Variants in PTPRD observed in about 807,000 individuals in gnomAD.
The protein encoded by PTPRD is protein tyrosine phosphatase receptor type D.
In PTPRD, 34 loss-of-function variants were observed where a neutral mutation model predicts 214.5. The observed-to-expected ratio is 0.16, with a 90% CI of 0.12 to 0.21. The LOEUF is 0.21. Ranked by LOEUF, PTPRD falls within the 10% of genes least tolerant of loss-of-function variation. The probability of loss-of-function intolerance (pLI) is 1.00; values close to 1 mark genes in which losing one functional copy is unlikely to be tolerated. For synonymous variants in PTPRD, 1,128 were observed against 845.7 expected, an observed-to-expected ratio of 1.33 and a Z score of -5.79; for missense variants, 2,545 against 2,398.7, an observed-to-expected ratio of 1.06 and a Z score of -1.27.
In PTPRD at chr9:10,379,023, A is replaced by C. The variant is rs2097775490; in HGVS notation, c.-599-38006T>G. On this transcript the variant is annotated intron_variant, in intron 2 of 45. Coordinates refer to ENST00000381196, the MANE Select transcript of PTPRD (RefSeq NM_002839.4). Reference sequence around the variant, plus strand: ...ATGTTTTATAGTTTTCATTATAGAGATCTTTCACTTCTTTGGTTAAGTTAA... The same window carrying C: ...ATGTTTTATAGTTTTCATTATAGAGCTCTTTCACTTCTTTGGTTAAGTTAA... 2.6e-5 allele frequency among the ~76,000 whole-genome samples: 4 copies of C among 151,920 alleles called. No individual in the cohort carries two copies. In the South Asian group the frequency reaches 8.3e-4, roughly 31 times the overall value.
intron 3 of PTPRD, among the ~76,000 whole-genome samples, chr9:10,263,617 A>G (rs939954258): frequency 6.6e-5 from 10 of 152,184 alleles, no homozygotes; most frequent in African/African-American, 2.4e-4. Context: ...TCTAGGCAAC[A>G]AAGTGTTCAA....
intron 3 of PTPRD, among the ~76,000 whole-genome samples, chr9:10,244,566 G>A (rs1165978518): frequency 7.0e-5 from 10 of 143,214 alleles, no homozygotes; most frequent in African/African-American, 1.2e-4. Flanking sequence ...TAAGCAGGAG[G>A]AAAAAAATTC....
At chr9:9,501,877 AAC>A (rs1402860757) in intron 8 of PTPRD, among the ~76,000 whole-genome samples, 1 of 152,008 alleles carries the variant, frequency 6.6e-6, no homozygotes, top group African/African-American at 2.4e-5. Flanking sequence ...TATTAAAAAT[AAC>A]ACAAAAACAA....
chr9:8,989,715 T>C (rs1387568462), intron 11 of PTPRD, among the ~76,000 whole-genome samples: 1 of 152,148 alleles, frequency 6.6e-6, no homozygotes, highest in African/African-American at 2.4e-5. Flanking sequence ...ATATAGAAAG[T>C]TCACTCTTTA....
chr9:10,280,852 C>A (rs2095064103), intron 3 of PTPRD, among the ~76,000 whole-genome samples: 2 of 151,924 alleles, frequency 1.3e-5, no homozygotes, highest in Non-Finnish European at 2.9e-5. Flanking sequence ...TGGGCTCAAG[C>A]TGTCCTCTCT....
intron 9 of PTPRD, among the ~76,000 whole-genome samples, chr9:9,243,948 G>C (rs140098602): frequency 0.026 from 3,940 of 152,192 alleles, 151 homozygotes; most frequent in African/African-American, 0.077. Flanking sequence ...AAAGTCTCAG[G>C]ATATAAAATC....
chr9:10,584,882 TC>T (rs2132576453), intron 2 of PTPRD, among the ~76,000 whole-genome samples: 1 of 152,258 alleles, frequency 6.6e-6, no homozygotes, highest in Admixed American at 6.5e-5. Flanking sequence ...TTTGATCCCA[TC>T]ACTAAAGCAA....
At chr9:9,275,099 T>TA in intron 9 of PTPRD, among the ~76,000 whole-genome samples, 1 of 62,682 alleles carries the variant, frequency 1.6e-5, no homozygotes, top group African/African-American at 6.4e-5. Context: ...ATGTTATATA[T>TA]ATAATATATT....
intron 2 of PTPRD, among the ~76,000 whole-genome samples, chr9:10,569,054 A>C (rs1367317191): frequency 1.3e-5 from 2 of 152,148 alleles, no homozygotes; most frequent in African/African-American, 4.8e-5. Context: ...AGAATCTACC[A>C]TGAACTCAAA....
intron 3 of PTPRD, among the ~76,000 whole-genome samples, chr9:10,117,512 G>T (rs2098739951): frequency 6.6e-6 from 1 of 152,068 alleles, no homozygotes. Flanking sequence ...GGGAGAATAC[G>T]TCCTTGCTTC....
At chr9:10,254,105 C>T (rs558324734) in intron 3 of PTPRD, among the ~76,000 whole-genome samples, 5 of 152,204 alleles carry the variant, frequency 3.3e-5, no homozygotes, top group South Asian at 2.1e-4. Context: ...TCATACTGTC[C>T]GCAGAGAACA....
At chr9:9,824,409 T>C (rs1442582543) in intron 5 of PTPRD, among the ~76,000 whole-genome samples, 1 of 152,046 alleles carries the variant, frequency 6.6e-6, no homozygotes, top group Non-Finnish European at 1.5e-5. Flanking sequence ...AACTAAATAA[T>C]TTTTGTCATA....
Position 10,231,989 on chromosome 9 carries a change from A to AGT in PTPRD, c.-545+108972_-545+108973dup, listed in dbSNP as rs61314978. ...GAGAGAGAGAGAGAGAGAGAGAGAG[A>AGT]GTGTGTGTGTGTGTGTGTGTGTGTG... On this transcript the variant is annotated intron_variant, in intron 3 of 45. Coordinates refer to ENST00000381196, the MANE Select transcript of PTPRD (RefSeq NM_002839.4). Among the ~76,000 whole-genome samples, 337 of 92,470 alleles carry AGT rather than the reference A, an allele frequency of 3.6e-3. 2 individuals carry two copies. Among genetic ancestry groups the AGT allele is most frequent in the East Asian group, 0.022 (67 of 2,994 alleles). 60.7% of individuals were successfully genotyped at this position (92,470 alleles called of 152,430 possible). A position where few individuals can be genotyped will look rare whatever the true frequency, so the allele number is the denominator to read the frequency against.
At chr9:10,316,736 T>C (rs2096444078) in intron 3 of PTPRD, among the ~76,000 whole-genome samples, 1 of 151,930 alleles carries the variant, frequency 6.6e-6, no homozygotes, top group African/African-American at 2.4e-5. Flanking sequence ...TATCAGATAT[T>C]AGTAAGAGAT....
At chr9:10,459,758 T>C (rs2098944973) in intron 2 of PTPRD, among the ~76,000 whole-genome samples, 1 of 152,126 alleles carries the variant, frequency 6.6e-6, no homozygotes, top group Non-Finnish European at 1.5e-5. Flanking sequence ...GATTGTTTTT[T>C]CTTGTAAATT....
At chr9:10,270,115 T>C (rs1198704235) in intron 3 of PTPRD, among the ~76,000 whole-genome samples, 1 of 152,104 alleles carries the variant, frequency 6.6e-6, no homozygotes, top group Non-Finnish European at 1.5e-5. Flanking sequence ...CATGTGTAAG[T>C]TTTAAACAGT....
chr9:9,223,586 A>T (rs756023917), intron 9 of PTPRD, among the ~76,000 whole-genome samples: 5 of 152,118 alleles, frequency 3.3e-5, no homozygotes, highest in South Asian at 4.1e-4. Flanking sequence ...TATTTTTTTT[A>T]AAAGTATTTT....
intron 3 of PTPRD, among the ~76,000 whole-genome samples, chr9:10,054,668 T>G (rs2097589817): frequency 6.6e-6 from 1 of 152,102 alleles, no homozygotes; most frequent in Non-Finnish European, 1.5e-5. Context: ...GGAGTCTAAC[T>G]TCAATATGCA....
In PTPRD at chr9:8,649,904, A is replaced by AT. The variant is rs1427796588; in HGVS notation, c.65-13061dup. 3.9e-5 allele frequency among the ~76,000 whole-genome samples: 6 copies of AT among 152,058 alleles called. No individual in the cohort carries two copies. The South Asian group carries it at 6.2e-4, about 16-fold the overall frequency. ...TACGCAACATTTTACTTTAAGGGCT[A>AT]TTTTTTTAATGTTTTAATTTGTTTT... On this transcript the variant is annotated intron_variant, in intron 12 of 45. Coordinates refer to ENST00000381196, the MANE Select transcript of PTPRD (RefSeq NM_002839.4).
Sources: gnomAD v4.1 joint callset for allele counts (sites outside exome capture counted in the v4.1 genomes callset) on GRCh38, gnomAD v4.1.1 for gene constraint, MANE v1.5 for transcripts, NCBI Gene and HGNC (gene_info 2026-07-23, HGNC 2026-07-21) for gene names.